The following GALNT13 variants were observed in gnomAD, a reference collection of about 807,000 sequenced individuals.
GALNT13 encodes the protein UDP-GalNAc:polypeptide N-acetylgalactosaminyltransferase 13.
A neutral mutation model predicts 64.2 loss-of-function variants in GALNT13; 28 were observed. That is an observed-to-expected ratio of 0.44 (90% CI 0.32 to 0.60). GALNT13 has a LOEUF of 0.60. Ranked by LOEUF, GALNT13 falls within the 20% of genes least tolerant of loss-of-function variation. GALNT13 has a pLI of 0.05. For synonymous variants in GALNT13, 214 were observed against 224.6 expected, an observed-to-expected ratio of 0.95 and a Z score of 0.42; for missense variants, 577 against 669.8, an observed-to-expected ratio of 0.86 and a Z score of 1.53.
chr2:154,336,916 TTTTTTCTGG>T (rs1695474973), intron 9 of GALNT13, among the ~76,000 whole-genome samples: 1 of 152,110 alleles, frequency 6.6e-6, no homozygotes, highest in African/African-American at 2.4e-5. Flanking sequence ...AATATTAGAC[TTTTTTCTGG>T]TTCAATTTTT....
At chr2:153,321,194 A>G in the GALNT13 span, among the ~76,000 whole-genome samples, 1 of 152,200 alleles carries the variant, frequency 6.6e-6, no homozygotes, top group Non-Finnish European at 1.5e-5. Context: ...TTACTTTTTA[A>G]AAAACTATTT....
At chr2:154,092,101 A>AAAAAT in intron 3 of GALNT13, among the ~76,000 whole-genome samples, 1 of 139,514 alleles carries the variant, frequency 7.2e-6, no homozygotes. Flanking sequence ...AAAAAAAAAA[A>AAAAAT]GCTATAATTT....
the GALNT13 span, among the ~76,000 whole-genome samples, chr2:153,227,633 C>T: frequency 5.3e-5 from 8 of 152,144 alleles, no homozygotes; most frequent in Non-Finnish European, 1.2e-4. Context: ...CATCGCAAAG[C>T]CTTCTACTTC....
chr2:153,559,747 T>C, the GALNT13 span, among the ~76,000 whole-genome samples: 1 of 152,086 alleles, frequency 6.6e-6, no homozygotes, highest in Non-Finnish European at 1.5e-5. Context: ...GTTTGGAAAA[T>C]AGCGATATTC....
chr2:153,167,337 G>C, the GALNT13 span, among the ~76,000 whole-genome samples: 4 of 152,334 alleles, frequency 2.6e-5, no homozygotes, highest in African/African-American at 7.2e-5. Context: ...AACTTTGAGA[G>C]CCAGTTTGAG....
chr2:154,317,433 C>A (rs1694382792), intron 9 of GALNT13, among the ~76,000 whole-genome samples: 1 of 152,094 alleles, frequency 6.6e-6, no homozygotes, highest in Non-Finnish European at 1.5e-5. Flanking sequence ...AGATGTTAAT[C>A]TTTTAGCGAT....
the GALNT13 span, among the ~76,000 whole-genome samples, chr2:153,755,609 T>G: frequency 2.2e-4 from 34 of 152,198 alleles, no homozygotes; most frequent in Non-Finnish European, 4.9e-4. Context: ...TTTCTTTCTA[T>G]AGAGTGTTTT....
At chr2:153,767,343 A>C in the GALNT13 span, among the ~76,000 whole-genome samples, 584 of 152,220 alleles carry the variant, frequency 3.8e-3, 9 homozygotes, top group African/African-American at 0.013. Flanking sequence ...TTCTTTATCC[A>C]ATCAATCTTT....
At chr2:153,459,348 AGT>A in the GALNT13 span, among the ~76,000 whole-genome samples, 5 of 152,050 alleles carry the variant, frequency 3.3e-5, no homozygotes, top group Non-Finnish European at 7.4e-5. Context: ...CAGGCACAGT[AGT>A]GTGTGTCTGT....
the GALNT13 span, among the ~76,000 whole-genome samples, chr2:153,775,562 T>C: frequency 2.0e-5 from 3 of 152,168 alleles, no homozygotes; most frequent in African/African-American, 7.2e-5. Context: ...AAATTTTCTA[T>C]AAACTTTCTT....
At chr2:154,088,849 C>T (rs1701661238) in intron 3 of GALNT13, among the ~76,000 whole-genome samples, 1 of 152,124 alleles carries the variant, frequency 6.6e-6, no homozygotes, top group Non-Finnish European at 1.5e-5. Flanking sequence ...CAATTGCCAG[C>T]TGATTGCATT....
At chr2:154,134,441 C>G (rs958051481) in intron 3 of GALNT13, among the ~76,000 whole-genome samples, 1 of 152,098 alleles carries the variant, frequency 6.6e-6, no homozygotes, top group Non-Finnish European at 1.5e-5. Flanking sequence ...TCAATTCACC[C>G]ATTAAATTTC....
chr2:153,882,180 G>A (rs946478898), intron 1 of GALNT13, among the ~76,000 whole-genome samples: 1 of 150,878 alleles, frequency 6.6e-6, no homozygotes, highest in Non-Finnish European at 1.5e-5. Context: ...AGAATGTAGG[G>A]GGGGGTCGAG....
the GALNT13 span, among the ~76,000 whole-genome samples, chr2:153,166,078 C>T: frequency 6.6e-6 from 1 of 152,174 alleles, no homozygotes. Flanking sequence ...GTGGCATACT[C>T]TAATCTCTAG....
chr2:153,684,436 C>A, the GALNT13 span, among the ~76,000 whole-genome samples: 1 of 151,302 alleles, frequency 6.6e-6, no homozygotes, highest in African/African-American at 2.4e-5. Context: ...TTTTTTTCTG[C>A]CTAGGAGTCA....
chr2:154,075,386 C>T (rs963587245), intron 3 of GALNT13, among the ~76,000 whole-genome samples: 2 of 151,636 alleles, frequency 1.3e-5, no homozygotes, highest in African/African-American at 2.4e-5. Context: ...ACATCCATAC[C>T]ATACATAAAA....
rs947392043 is a variant in GALNT13 at position 154,040,916 on chromosome 2, A to G, written c.142+96277A>G. On this transcript the variant is annotated intron_variant, in intron 3 of 12. Transcript: ENST00000392825. The stretch of plus-strand genomic sequence containing the variant: ...TATTCCTTAGATGCTCGAATCCTCC[A>G]TACAATGTGGTACTTTTAAAGAGAA... Among the ~76,000 whole-genome samples the G allele has an allele frequency of 3.6e-5, 5 of 140,056 alleles. 1 individual carries two copies. The highest frequency in any genetic ancestry group is 1.2e-4 in the African/African-American group (5 of 40,856). 91.9% of individuals were successfully genotyped at this position (140,056 alleles called of 152,430 possible). A position where few individuals can be genotyped will look rare whatever the true frequency, so the allele number is the denominator to read the frequency against.
At chr2:154,096,065 A>G (rs1474300110) in intron 3 of GALNT13, among the ~76,000 whole-genome samples, 1 of 152,056 alleles carries the variant, frequency 6.6e-6, no homozygotes, top group African/African-American at 2.4e-5. Context: ...ATGTATGTAT[A>G]ATAAGGATGA....
chr2:153,196,644 C>G, the GALNT13 span, among the ~76,000 whole-genome samples: 1 of 152,040 alleles, frequency 6.6e-6, no homozygotes, highest in Non-Finnish European at 1.5e-5. Flanking sequence ...CATGCCTGCT[C>G]ACAGCATGGG....
Sources: allele counts gnomAD v4.1 joint callset (sites outside exome capture counted in the v4.1 genomes callset), GRCh38; gene constraint gnomAD v4.1.1; transcripts MANE v1.5; gene names NCBI Gene and HGNC (gene_info 2026-07-23, HGNC 2026-07-21).